The following NFX1 variants were observed in gnomAD, a reference collection of about 807,000 sequenced individuals.
NFX1 encodes the protein nuclear transcription factor, X-box binding 1.
A neutral mutation model predicts 137.2 loss-of-function variants in NFX1; 69 were observed. The observed-to-expected ratio is 0.50, with a 90% CI of 0.41 to 0.61. NFX1 has a LOEUF of 0.61. NFX1 is among the 20% of genes least tolerant of loss of function. The pLI is 0.00. For missense variants in NFX1, 1,167 were observed against 1,391.0 expected (o/e 0.84, Z 2.56); for synonymous variants, 495 against 474.1 (o/e 1.04, Z -0.57).
chr9:33,307,191 T>C lies in NFX1; in HGVS notation c.1271-3T>C. 6.2e-7 allele frequency: 1 copy of C among 1,613,626 alleles called. No homozygotes were observed. Among genetic ancestry groups the C allele is most frequent in the East Asian group, 2.2e-5 (1 of 44,878 alleles). ...ATTGACTCTCTGATCTGATATGTTC[T>C]AGGCAAGGTAAAGAATCCTGAGTGG... On this transcript the variant is annotated splice_polypyrimidine_tract_variant and splice_region_variant and intron_variant, in intron 4 of 23. Transcript: ENST00000379540.
intron 17 of NFX1, among the ~76,000 whole-genome samples, chr9:33,353,185 TTC>T (rs1823700799): frequency 6.6e-6 from 1 of 152,172 alleles, no homozygotes; most frequent in Non-Finnish European, 1.5e-5. Context: ...CTTTCTTTTT[TTC>T]TCTCTTTTGG....
chr9:33,353,623 G>T (rs1029524967), intron 17 of NFX1, among the ~76,000 whole-genome samples: 1 of 150,534 alleles, frequency 6.6e-6, no homozygotes, highest in African/African-American at 2.4e-5. Flanking sequence ...ACATAAATAT[G>T]TAGGTAGTTC....
In NFX1 at chr9:33,366,721, G is replaced by A. The variant is rs1824181081; in HGVS notation, c.3132G>A (p.Glu1044=). 4.3e-6 allele frequency: 7 copies of A among 1,614,082 alleles called. No individual in the cohort carries two copies. The highest frequency in any genetic ancestry group is 5.9e-6 in the Non-Finnish European group (7 of 1,180,054). Residue 1044 remains glutamate, a synonymous_variant, in exon 22 of 24, where the codon GAG becomes GAA. Coordinates refer to ENST00000379540, the MANE Select transcript of NFX1 (RefSeq NM_002504.6). ...ACTTGGCCCAAGTTTATGGCCTGGA[G>A]AGCGTGAGCTATGACAGTGAACCGA... is the stretch of plus-strand genomic sequence containing the variant. ...IHDLAQVYGL[E]SVSYDSEPKR... is the part of the protein sequence containing the mutation.
In NFX1 at chr9:33,351,857, GT is replaced by G; in HGVS notation, c.2655+68del. The G allele has an allele frequency of 3.0e-6, 4 of 1,328,908 alleles. No individual in the cohort carries two copies. In the African/African-American group the frequency reaches 5.9e-5, roughly 20 times the overall value. 82.3% of individuals were successfully genotyped at this position (1,328,908 alleles called of 1,614,324 possible). Reference sequence around the variant, plus strand: ...TGAGGCTACTAGTGAATCCAGAACTGTCTACAGTGGCCCCTGGGCATGCATC... The same window carrying G: ...TGAGGCTACTAGTGAATCCAGAACTGCTACAGTGGCCCCTGGGCATGCATC... On this transcript the variant is annotated intron_variant, in intron 16 of 23. Coordinates refer to ENST00000379540, the MANE Select transcript of NFX1 (RefSeq NM_002504.6).
chr9:33,299,435 A>G (rs1821472345), intron 2 of NFX1, among the ~76,000 whole-genome samples: 1 of 152,186 alleles, frequency 6.6e-6, no homozygotes, highest in African/African-American at 2.4e-5. Context: ...CTGTAATCCC[A>G]GTACTTTGGG....
At chr9:33,299,598 G>C (rs1418150919) in intron 2 of NFX1, among the ~76,000 whole-genome samples, 1 of 152,148 alleles carries the variant, frequency 6.6e-6, no homozygotes, top group African/African-American at 2.4e-5. Flanking sequence ...TGAGGTGGGA[G>C]GATCGCTTGG....
intron 5 of NFX1, among the ~76,000 whole-genome samples, chr9:33,310,640 C>T (rs940229435): frequency 2.0e-5 from 3 of 152,146 alleles, no homozygotes; most frequent in African/African-American, 7.2e-5. Flanking sequence ...TGCCCAGTGC[C>T]TGATTATTAC....
chr9:33,328,811 C>G, intron 10 of NFX1, 133 bp downstream of exon 10: 1 of 646,146 alleles, frequency 1.5e-6, no homozygotes, highest in East Asian at 2.7e-5. Context: ...GGTCCAGAGG[C>G]CTATAGTGGG....
In NFX1 at chr9:33,303,293, G is replaced by C. The variant is rs759421646; in HGVS notation, c.1270+25G>C. The stretch of plus-strand genomic sequence containing the variant: ...GGTAAGTTTGTTTATATACACTGGA[G>C]TCTCTTTTACTACATACATTGTACC... On this transcript the variant is annotated intron_variant, in intron 4 of 23. Coordinates refer to ENST00000379540, the MANE Select transcript of NFX1 (RefSeq NM_002504.6). 4 of 1,593,346 alleles carry C rather than the reference G, an allele frequency of 2.5e-6. No homozygotes were observed. In the South Asian group the frequency reaches 4.4e-5, roughly 18 times the overall value.
In NFX1 at chr9:33,311,106, T is replaced by A. The variant is rs1821943918; in HGVS notation, c.1377T>A (p.Leu459=). The change falls in exon 6 of 24, where the codon CTT becomes CTA. Residue 459 remains leucine, a splice_region_variant and synonymous_variant. Transcript: ENST00000379540. ...PGQDCPHSCN[L]LCHPGPCPPC... The stretch of plus-strand genomic sequence containing the variant: ...ATTCAGTGAAACCTTTCTCTTTCAG[T>A]CTCTGCCATCCAGGACCCTGCCCAC... 1.2e-6 allele frequency: 2 copies of A among 1,614,132 alleles called. No homozygotes were observed. Among genetic ancestry groups the A allele is most frequent in the Non-Finnish European group, 1.7e-6 (2 of 1,179,984 alleles).
At chr9:33,332,353 G>A in intron 10 of NFX1, 119 bp from the exon 11 acceptor site, 2 of 947,442 alleles carry the variant, frequency 2.1e-6, no homozygotes, top group South Asian at 1.7e-5. Context: ...TGGTGAATAA[G>A]TGACTATCAG....
rs1201482508 is a variant in NFX1, at chr9:33,295,292, T to A, written c.898T>A (p.Leu300Met). 1 of 1,614,092 alleles carries A rather than the reference T, an allele frequency of 6.2e-7. No individual in the cohort carries two copies. Among genetic ancestry groups the A allele is most frequent in the South Asian group, 1.1e-5 (1 of 91,074 alleles). Residue 300 changes from leucine to methionine, a missense_variant, in exon 2 of 24, where the codon TTG (leucine) becomes ATG (methionine). By Grantham distance (15) the Leu-to-Met change is conservative (BLOSUM62 2). Coordinates refer to ENST00000379540, the MANE Select transcript of NFX1 (RefSeq NM_002504.6). ...PAKSTCDSEN[L>M]AVINKSSRRV... ...AAAATCTACCTGTGACAGTGAGAAC[T>A]TGGCAGTCATCAACAAGTCTTCCAG...
chr9:33,354,269 T>A (rs1356118978), intron 18 of NFX1, 82 bp downstream of exon 18: 7 of 1,109,964 alleles, frequency 6.3e-6, no homozygotes, highest in East Asian at 5.0e-5. Flanking sequence ...TTTATCTCAA[T>A]CCTTCATAGT....
intron 15 of NFX1, among the ~76,000 whole-genome samples, chr9:33,349,741 G>A (rs1054080146): frequency 1.3e-5 from 2 of 152,110 alleles, no homozygotes; most frequent in South Asian, 2.1e-4. Flanking sequence ...ACAGGACTGC[G>A]TGAAGCTGTG....
Position 33,323,167 on chromosome 9 carries a change from A to G in NFX1, c.1906+4040A>G, listed in dbSNP as rs368020538. On this transcript the variant is annotated intron_variant, in intron 9 of 23. Transcript: ENST00000379540. ...CATTCCAGGGTCAGTTTGTACCCCTAAGGTTGTGCCATCCAAAGAGTGACA... is the reference window on the plus strand; with the variant it reads ...CATTCCAGGGTCAGTTTGTACCCCTGAGGTTGTGCCATCCAAAGAGTGACA... Among the ~76,000 whole-genome samples the G allele has an allele frequency of 1.5e-3, 224 of 152,298 alleles. 1 individual carries two copies. Among genetic ancestry groups the G allele is most frequent in the African/African-American group, 5.2e-3 (217 of 41,574 alleles).
At chr9:33,290,693 A>C in intron 1 of NFX1, 96 bp downstream of exon 1, 1 of 1,203,708 alleles carries the variant, frequency 8.3e-7, no homozygotes, top group South Asian at 1.4e-5. Context: ...ATATCGCGAG[A>C]GTAGCACATG....
intron 6 of NFX1, 108 bp from the exon 7 acceptor site, chr9:33,313,533 AAATGAAGTTAGAG>A: frequency 1.2e-6 from 1 of 863,360 alleles, no homozygotes; most frequent in Middle Eastern, 2.9e-4. Flanking sequence ...AAAGTGAGGG[AAATGAAGTTAGAG>A]AAAGGCTTAG....
At position 33,367,713 on chromosome 9, in the gene NFX1, C is replaced by G. The variant is rs1824211591; in HGVS notation, c.3290+94C>G. On this transcript the variant is annotated intron_variant, in intron 23 of 23. Transcript: ENST00000379540. ...CTGAGCTGCACCAGCCATTGGTGGC[C>G]TCCTCAGGCCTGGCCTTGGGGTACC... 8 of 1,172,834 alleles carry G rather than the reference C, an allele frequency of 6.8e-6. No individual in the cohort carries two copies. The Admixed American group carries it at 9.3e-5, about 14-fold the overall frequency. 72.7% of individuals were successfully genotyped at this position (1,172,834 alleles called of 1,614,324 possible). A position where few individuals can be genotyped will look rare whatever the true frequency, so the allele number is the denominator to read the frequency against.
chr9:33,301,773 ATCT>A (rs72180208), intron 3 of NFX1, among the ~76,000 whole-genome samples: 104,526 of 151,816 alleles, frequency 0.69, 37,165 homozygotes, highest in Non-Finnish European at 0.77. Context: ...TTTTTAATTT[ATCT>A]TCTTCTCATT....
Sources: gnomAD v4.1 joint callset for allele counts (sites outside exome capture counted in the v4.1 genomes callset) on GRCh38, gnomAD v4.1.1 for gene constraint, MANE v1.5 for transcripts, NCBI Gene and HGNC (gene_info 2026-07-23, HGNC 2026-07-21) for gene names.